MEGF10: variants seen among roughly 807,000 people sequenced by gnomAD.
MEGF10 encodes multiple EGF like domains 10, also known as multiple epidermal growth factor-like domains protein 10.
In MEGF10, 86 loss-of-function variants were observed where a neutral mutation model predicts 147.5. The observed-to-expected ratio is 0.58, with a 90% CI of 0.49 to 0.70. MEGF10 has a LOEUF of 0.70. Ranked by LOEUF, MEGF10 falls within the 30% of genes least tolerant of loss-of-function variation. MEGF10 has a pLI of 0.00. For missense variants in MEGF10, 1,329 were observed against 1,487.3 expected, an observed-to-expected ratio of 0.89 and a Z score of 1.75; for synonymous variants, 478 against 525.5, an observed-to-expected ratio of 0.91 and a Z score of 1.24.
chr5:127,362,180 A>T (rs1265625351), intron 4 of MEGF10, among the ~76,000 whole-genome samples: 8 of 152,006 alleles, frequency 5.3e-5, no homozygotes, highest in Non-Finnish European at 1.2e-4. Flanking sequence ...TTAGATGCAT[A>T]AATGTTTAGG....
intron 18 of MEGF10, among the ~76,000 whole-genome samples, chr5:127,442,240 A>G (rs1248756891): frequency 1.3e-5 from 2 of 152,216 alleles, no homozygotes; most frequent in Admixed American, 1.3e-4. Context: ...GCTTATTTGT[A>G]AACAGAAACC....
chr5:127,449,048 G>C lies in MEGF10; in HGVS notation c.2857-51G>C, dbSNP rs774065343. 7 of 1,606,666 alleles carry C rather than the reference G, an allele frequency of 4.4e-6. No homozygotes were observed. In the Admixed American group the frequency reaches 1.2e-4, roughly 27 times the overall value. ...TTCCCCAGGTCCATAACGCTGTGCT[G>C]TGCCGCATTGTATTTTGTTTTTAAT... On this transcript the variant is annotated intron_variant, in intron 21 of 24. Transcript: ENST00000503335.
upstream of MEGF10, among the ~76,000 whole-genome samples, chr5:127,288,217 C>T (rs549905338): frequency 3.3e-5 from 5 of 152,090 alleles, 1 homozygote; most frequent in East Asian, 7.7e-4. Flanking sequence ...CCTAAAAGTA[C>T]AACACACACA....
chr5:127,445,434 T>A, intron 19 of MEGF10, 23 bp from the exon 20 acceptor site: 1 of 1,578,130 alleles, frequency 6.3e-7, no homozygotes, highest in Non-Finnish European at 8.7e-7. Flanking sequence ...TCATCCTTTC[T>A]CAAGTCTCTC....
At chr5:127,400,367 T>G (rs1764079561) in intron 7 of MEGF10, among the ~76,000 whole-genome samples, 1 of 152,164 alleles carries the variant, frequency 6.6e-6, no homozygotes, top group African/African-American at 2.4e-5. Flanking sequence ...GAGTCAATGA[T>G]AATAAATTTA....
At chr5:127,283,203 T>TA in the MEGF10 span, among the ~76,000 whole-genome samples, 1 of 152,230 alleles carries the variant, frequency 6.6e-6, no homozygotes, top group Non-Finnish European at 1.5e-5. Context: ...CCCTGATACT[T>TA]ACATCATTGC....
intron 5 of MEGF10, among the ~76,000 whole-genome samples, chr5:127,396,020 C>T (rs1162743952): frequency 6.6e-6 from 1 of 152,162 alleles, no homozygotes; most frequent in Non-Finnish European, 1.5e-5. Context: ...CATCTCTCTG[C>T]CTCTCATCGT....
At chr5:127,247,422 G>A in the MEGF10 span, among the ~76,000 whole-genome samples, 2 of 84,230 alleles carry the variant, frequency 2.4e-5, no homozygotes, top group Non-Finnish European at 2.3e-5. Flanking sequence ...AGAAGAAGAA[G>A]AAGAAGAAGA....
At chr5:127,273,742 GTA>G in the MEGF10 span, among the ~76,000 whole-genome samples, 5 of 152,120 alleles carry the variant, frequency 3.3e-5, no homozygotes, top group Non-Finnish European at 7.4e-5. Context: ...CTATATAGTA[GTA>G]TATTTGATAG....
chr5:127,264,243 T>G, the MEGF10 span, among the ~76,000 whole-genome samples: 7 of 152,140 alleles, frequency 4.6e-5, no homozygotes, highest in African/African-American at 1.7e-4. Context: ...ACTAGCATAT[T>G]CAGAGCATCT....
At chr5:127,358,926 T>C (rs1180885982) in intron 4 of MEGF10, among the ~76,000 whole-genome samples, 1 of 152,220 alleles carries the variant, frequency 6.6e-6, no homozygotes, top group East Asian at 1.9e-4. Context: ...ATAATGCCTA[T>C]GTAAGTGTGG....
chr5:127,459,621 A>G lies in MEGF10; in HGVS notation c.*2303A>G, dbSNP rs1004205344. On this transcript the variant is annotated 3_prime_UTR_variant, in exon 25 of 25. Coordinates refer to ENST00000503335, the MANE Select transcript of MEGF10 (RefSeq NM_001256545.2). ...AATAAATTGAAAGCTTGCTGTACAA[A>G]GGCAACAGCAACTTAAAAAAGAAAA... 1.3e-5 allele frequency: 2 copies of G among 152,220 alleles called. No individual in the cohort carries two copies. Among genetic ancestry groups the G allele is most frequent in the Non-Finnish European group, 2.9e-5 (2 of 68,034 alleles). The allele number at this position is 152,220 out of a possible 1,614,324, so 9.4% of individuals were successfully genotyped here. A position where few individuals can be genotyped will look rare whatever the true frequency, so the allele number is the denominator to read the frequency against.
the MEGF10 span, among the ~76,000 whole-genome samples, chr5:127,243,979 C>T: frequency 6.6e-6 from 1 of 151,562 alleles, no homozygotes; most frequent in Admixed American, 6.6e-5. Context: ...GGCGGATCAC[C>T]TGAGGTTGGG....
chr5:127,393,528 T>C (rs1220830437), intron 5 of MEGF10, among the ~76,000 whole-genome samples: 2 of 152,242 alleles, frequency 1.3e-5, no homozygotes, highest in South Asian at 2.1e-4. Flanking sequence ...CTTGTTCTTA[T>C]ACCTATTTGT....
rs541948892 is a variant in MEGF10 at position 127,457,422 on chromosome 5, G to A, written c.*104G>A. 104 of 1,287,336 alleles carry A rather than the reference G, an allele frequency of 8.1e-5. No individual in the cohort carries two copies. The highest frequency in any genetic ancestry group is 9.8e-5 in the Non-Finnish European group (94 of 958,024). 79.7% of individuals were successfully genotyped at this position (1,287,336 alleles called of 1,614,324 possible). On this transcript the variant is annotated 3_prime_UTR_variant, in exon 25 of 25. Transcript: ENST00000503335. The stretch of plus-strand genomic sequence containing the variant: ...CTTTCATGTGAATGTTAGTCAATTC[G>A]GTGGGCAATTTTTGGACATGAACCA...
At chr5:127,309,241 T>A (rs1760152417) in intron 1 of MEGF10, among the ~76,000 whole-genome samples, 1 of 152,258 alleles carries the variant, frequency 6.6e-6, no homozygotes, top group Non-Finnish European at 1.5e-5. Flanking sequence ...TTACTTACGC[T>A]TTAATACTAG....
At chr5:127,388,898 C>A (rs1580800930) in intron 5 of MEGF10, among the ~76,000 whole-genome samples, 2 of 152,142 alleles carry the variant, frequency 1.3e-5, no homozygotes, top group Admixed American at 1.3e-4. Flanking sequence ...GAGGTAATTT[C>A]TTTCTCAGTG....
chr5:127,424,710 C>G (rs1765153881), intron 13 of MEGF10: 3 of 280,870 alleles, frequency 1.1e-5, no homozygotes, highest in Non-Finnish European at 1.7e-5. Flanking sequence ...CACGAGGCCT[C>G]CCCAACCCTG....
chr5:127,256,346 G>C, the MEGF10 span, among the ~76,000 whole-genome samples: 1 of 152,132 alleles, frequency 6.6e-6, no homozygotes, highest in Non-Finnish European at 1.5e-5. Flanking sequence ...GACAAACTTA[G>C]TTTATAATTT....
Sources: allele counts gnomAD v4.1 joint callset (sites outside exome capture counted in the v4.1 genomes callset), GRCh38; gene constraint gnomAD v4.1.1; transcripts MANE v1.5; gene names NCBI Gene and HGNC (gene_info 2026-07-23, HGNC 2026-07-21).